The following RBFOX1 variants were observed in gnomAD, a reference collection of about 807,000 sequenced individuals.
RBFOX1 encodes the protein RNA binding fox-1 homolog 1, also known as RNA binding protein fox-1 homolog 1.
Under a neutral mutation model 57.7 loss-of-function variants are expected in RBFOX1, and 8 were observed. That is an observed-to-expected ratio of 0.14 (90% CI 0.08 to 0.25). RBFOX1 has a LOEUF of 0.25. RBFOX1 is among the 10% of genes least tolerant of loss of function. The pLI is 1.00. For synonymous variants in RBFOX1, 326 were observed against 222.4 expected (o/e 1.47, Z -4.15); for missense variants, 611 against 548.5 (o/e 1.11, Z -1.14).
intron 4 of RBFOX1, among the ~76,000 whole-genome samples, chr16:5,877,190 A>G (rs1266634879): frequency 6.6e-6 from 1 of 152,258 alleles, no homozygotes; most frequent in Non-Finnish European, 1.5e-5. Context: ...AGAATGAAGC[A>G]AACTACATAC....
chr16:7,695,267 T>C (rs1440727687), intron 14 of RBFOX1, among the ~76,000 whole-genome samples: 7 of 152,186 alleles, frequency 4.6e-5, no homozygotes, highest in Non-Finnish European at 1.0e-4. Flanking sequence ...ATCCATCAAA[T>C]GTCAGATTAT....
chr16:6,143,662 A>C (rs2096735776), intron 1 of RBFOX1, among the ~76,000 whole-genome samples: 1 of 152,162 alleles, frequency 6.6e-6, no homozygotes, highest in South Asian at 2.1e-4. Context: ...ATTGTTAAGC[A>C]GTTTTAGGGA....
chr16:5,501,224 A>G (rs967159148), intron 2 of RBFOX1, among the ~76,000 whole-genome samples: 6 of 148,530 alleles, frequency 4.0e-5, no homozygotes, highest in African/African-American at 1.5e-4. Flanking sequence ...TGGCCGAGAC[A>G]GGAGAATCGA....
intron 2 of RBFOX1, among the ~76,000 whole-genome samples, chr16:6,377,226 G>A (rs1567152346): frequency 6.9e-6 from 1 of 145,876 alleles, no homozygotes; most frequent in Non-Finnish European, 1.5e-5. Flanking sequence ...GTGAGCCAAG[G>A]TCATGCAACT....
chr16:6,560,503 C>G (rs866892201), intron 2 of RBFOX1, among the ~76,000 whole-genome samples: 51 of 151,928 alleles, frequency 3.4e-4, no homozygotes, highest in Non-Finnish European at 5.6e-4. Context: ...TGAGAGTAGC[C>G]GTCTGTTCAA....
chr16:7,093,001 A>G (rs1270315411), intron 4 of RBFOX1, among the ~76,000 whole-genome samples: 3 of 152,206 alleles, frequency 2.0e-5, no homozygotes, highest in Non-Finnish European at 4.4e-5. Flanking sequence ...TGGCAGTCAA[A>G]GGAAACATTT....
intron 14 of RBFOX1, among the ~76,000 whole-genome samples, chr16:7,704,767 C>T (rs546179104): frequency 5.3e-5 from 8 of 152,160 alleles, no homozygotes; most frequent in Non-Finnish European, 8.8e-5. Context: ...TAAGAGCAGT[C>T]AGGCTGGGTG....
rs1567232876 is a variant in RBFOX1 at position 7,094,795 on chromosome 16, G to GTGTGT, written c.27+42697_27+42698insTGTGT. ...GTGTGTGGGTGTGTGTGTGTGTTGAGAGAGAGAGAGATTGAGACAGAGGGT... is the reference window on the plus strand; with the variant it reads ...GTGTGTGGGTGTGTGTGTGTGTTGAGTGTGTAGAGAGAGAGATTGAGACAGAGGGT... On this transcript the variant is annotated intron_variant, in intron 4 of 15. Coordinates refer to ENST00000550418, the MANE Select transcript of RBFOX1 (RefSeq NM_018723.4). Among the ~76,000 whole-genome samples the GTGTGT allele has an allele frequency of 2.7e-4, 22 of 82,344 alleles. No homozygotes were observed. The South Asian group carries it at 2.8e-3, about 10-fold the overall frequency. The allele number at this position is 82,344 out of a possible 152,430, so 54.0% of individuals were successfully genotyped here. A position where few individuals can be genotyped will look rare whatever the true frequency, so the allele number is the denominator to read the frequency against.
chr16:5,283,657 G>T (rs549219838), intron 1 of RBFOX1, among the ~76,000 whole-genome samples: 4 of 151,922 alleles, frequency 2.6e-5, no homozygotes, highest in South Asian at 2.1e-4. Context: ...TTGGGCTTGC[G>T]TGGGGCCTGT....
intron 2 of RBFOX1, among the ~76,000 whole-genome samples, chr16:6,350,444 G>GAAAAAAAAAAAAAA (rs569363563): frequency 5.4e-5 from 4 of 74,618 alleles, no homozygotes; most frequent in Non-Finnish European, 9.8e-5. Flanking sequence ...TCTGTCTCAA[G>GAAAAAAAAAAAAAA]AAAAAAAAAA....
Position 5,409,629 on chromosome 16 carries a change from A to G in RBFOX1, c.220-57587A>G, listed in dbSNP as rs903400845. On this transcript the variant is annotated intron_variant, in intron 1 of 2. Transcript: ENST00000585867. ...GTGCTGGGAATATAGCTGTGAACCA[A>G]ACTGGCCAGGCTCCTTGCCTCCAGG... Among the ~76,000 whole-genome samples the G allele has an allele frequency of 6.6e-5, 10 of 152,188 alleles. No individual in the cohort carries two copies. The East Asian group carries it at 1.9e-3, about 29-fold the overall frequency.
chr16:6,352,094 C>G (rs1399869757), intron 2 of RBFOX1, among the ~76,000 whole-genome samples: 2 of 152,112 alleles, frequency 1.3e-5, no homozygotes, highest in African/African-American at 4.8e-5. Context: ...GGATAAGGTA[C>G]AATTGAGAGT....
chr16:7,030,478 C>A (rs1486473321), intron 3 of RBFOX1, among the ~76,000 whole-genome samples: 3 of 152,172 alleles, frequency 2.0e-5, no homozygotes, highest in Non-Finnish European at 4.4e-5. Context: ...TAGAATCCTT[C>A]CTTCCTTCTC....
At chr16:5,992,445 T>A (rs960462858) in intron 4 of RBFOX1, among the ~76,000 whole-genome samples, 1 of 152,202 alleles carries the variant, frequency 6.6e-6, no homozygotes, top group African/African-American at 2.4e-5. Context: ...TGAAAATGCG[T>A]AAGACTGAAT....
intron 1 of RBFOX1, among the ~76,000 whole-genome samples, chr16:6,239,074 C>G (rs1178332661): frequency 1.3e-5 from 2 of 151,918 alleles, no homozygotes; most frequent in African/African-American, 2.4e-5. Flanking sequence ...AACATGAAAT[C>G]AAAGGTAAGA....
intron 4 of RBFOX1, among the ~76,000 whole-genome samples, chr16:7,238,057 C>T (rs2346614): frequency 0.033 from 4,989 of 152,274 alleles, 247 homozygotes; most frequent in African/African-American, 0.11. Flanking sequence ...ACCTTGAGGA[C>T]ATTATTCTAA....
intron 3 of RBFOX1, among the ~76,000 whole-genome samples, chr16:6,822,528 G>C (rs57763632): frequency 3.9e-5 from 6 of 152,166 alleles, no homozygotes; most frequent in Non-Finnish European, 8.8e-5. Context: ...ATTCCACTTC[G>C]TGGCTAGAGA....
intron 3 of RBFOX1, among the ~76,000 whole-genome samples, chr16:5,853,994 T>C (rs2056962315): frequency 6.6e-6 from 1 of 152,252 alleles, no homozygotes; most frequent in Admixed American, 6.5e-5. Flanking sequence ...TGACTATATT[T>C]GATCATATAA....
intron 1 of RBFOX1, among the ~76,000 whole-genome samples, chr16:5,465,086 C>T (rs1007045714): frequency 1.3e-5 from 2 of 152,150 alleles, no homozygotes; most frequent in South Asian, 4.1e-4. Flanking sequence ...TGTGTTTGCT[C>T]AGGCTGCCGT....
Sources: gnomAD v4.1 joint callset for allele counts (sites outside exome capture counted in the v4.1 genomes callset) on GRCh38, gnomAD v4.1.1 for gene constraint, MANE v1.5 for transcripts, NCBI Gene and HGNC (gene_info 2026-07-23, HGNC 2026-07-21) for gene names.